The following MROH7 variants were observed in gnomAD, a reference collection of about 807,000 sequenced individuals.
The protein encoded by MROH7 is maestro heat-like repeat-containing protein family member 7.
A neutral mutation model predicts 129.2 loss-of-function variants in MROH7; 113 were observed. The observed-to-expected ratio is 0.87, with a 90% CI of 0.75 to 1.02. The LOEUF is 1.02. MROH7 is among the 50% of genes least tolerant of loss of function. The pLI is 0.00. For missense variants in MROH7, 1,601 were observed against 1,671.3 expected (o/e 0.96, Z 0.73); for synonymous variants, 655 against 667.9 (o/e 0.98, Z 0.30).
At chr1:54,654,536 G>C (rs941297373) in intron 3 of MROH7, among the ~76,000 whole-genome samples, 2 of 152,128 alleles carry the variant, frequency 1.3e-5, no homozygotes, top group African/African-American at 4.8e-5. Context: ...AGCCAGGCGT[G>C]GTGGCGCATG....
chr1:54,682,202 C>T (rs1212073261), intron 13 of MROH7, among the ~76,000 whole-genome samples: 1 of 146,164 alleles, frequency 6.8e-6, no homozygotes, highest in African/African-American at 2.5e-5. Context: ...GCTCTTTTCT[C>T]CCAGGCTGGA....
chr1:54,667,135 G>A (rs1389683272), intron 4 of MROH7, among the ~76,000 whole-genome samples: 1 of 152,176 alleles, frequency 6.6e-6, no homozygotes, highest in Non-Finnish European at 1.5e-5. Flanking sequence ...CTAGTTTGGG[G>A]AGACACACAG....
At chr1:54,700,229 C>G (rs753873938) in intron 17 of MROH7, 92 bp from the exon 18 acceptor site, 22 of 1,543,010 alleles carry the variant, frequency 1.4e-5, no homozygotes, top group Non-Finnish European at 2.0e-5. Flanking sequence ...AGAGCTGAGC[C>G]TGGTATCCAA....
intron 5 of MROH7, 29 bp from the exon 6 acceptor site, chr1:54,670,468 C>T (rs150916403): frequency 1.9e-6 from 3 of 1,606,234 alleles, no homozygotes; most frequent in Non-Finnish European, 2.6e-6. Flanking sequence ...GCCCTGTCCT[C>T]ATCGGCCCTT....
chr1:54,709,176 A>G, intron 23 of MROH7, 100 bp downstream of exon 23: 1 of 1,140,306 alleles, frequency 8.8e-7, no homozygotes, highest in Non-Finnish European at 1.3e-6. Flanking sequence ...GTCCCAAGAC[A>G]AGGGTCTTCA....
At chr1:54,700,280 C>T (rs1186011848) in intron 17 of MROH7, 41 bp from the exon 18 acceptor site, 2 of 1,612,722 alleles carry the variant, frequency 1.2e-6, no homozygotes, top group African/African-American at 2.7e-5. Context: ...GGCTGCCCTG[C>T]CCCCCTCAGC....
chr1:54,670,783 T>C lies in MROH7; in HGVS notation c.1470-17T>C. ...CCCTCTCTCACTCCATTTCTTTGCT[T>C]TCTGCCTCTTCTCCAGCCACACCCA... On this transcript the variant is annotated splice_polypyrimidine_tract_variant and intron_variant, in intron 6 of 23. Transcript: ENST00000421030. 6.2e-7 allele frequency: 1 copy of C among 1,612,782 alleles called. No individual in the cohort carries two copies. The highest frequency in any genetic ancestry group is 8.5e-7 in the Non-Finnish European group (1 of 1,179,472).
At chr1:54,687,872 CT>C (rs35990412) in intron 15 of MROH7, among the ~76,000 whole-genome samples, 4,775 of 130,050 alleles carry the variant, frequency 0.037, 203 homozygotes, top group African/African-American at 0.12. Flanking sequence ...TTTTTTCTTT[CT>C]TTTTTTTTTT....
intron 1 of MROH7, among the ~76,000 whole-genome samples, chr1:54,648,275 C>T (rs1644499887): frequency 6.6e-6 from 1 of 152,066 alleles, no homozygotes. Context: ...TCTGGACTTG[C>T]AATTCTATCC....
In MROH7 at chr1:54,679,300, A is replaced by G. The variant is rs994787042; in HGVS notation, c.2087A>G (p.Asp696Gly). 3 of 1,614,166 alleles carry G rather than the reference A, an allele frequency of 1.9e-6. No homozygotes were observed. Among genetic ancestry groups the G allele is most frequent in the Non-Finnish European group, 2.5e-6 (3 of 1,180,030 alleles). The change falls in exon 12 of 24, where the codon GAC becomes GGC. Residue 696 changes from aspartate (D) to glycine (G), a missense_variant. Asp to Gly is a moderately conservative substitution (Grantham distance 94). Coordinates refer to ENST00000421030, the MANE Select transcript of MROH7 (RefSeq NM_001039464.4). ...GDFLGPQQIK[D>G]LLLAALEGLK... ...TTCCTGGGGCCCCAGCAGATAAAGGACCTGCTGCTGGCCGCCCTGGAAGGG... is the reference window on the plus strand; with the variant it reads ...TTCCTGGGGCCCCAGCAGATAAAGGGCCTGCTGCTGGCCGCCCTGGAAGGG...
rs745707551 is a variant in MROH7 at position 54,653,004 on chromosome 1, C to T, written c.78C>T (p.Ala26=). 2.5e-5 allele frequency: 40 copies of T among 1,613,950 alleles called. No individual in the cohort carries two copies. Among genetic ancestry groups the T allele is most frequent in the Non-Finnish European group, 3.3e-5 (39 of 1,179,994 alleles). Residue 26 remains alanine, a synonymous_variant, in exon 3 of 24, where the codon GCC becomes GCT. Transcript: ENST00000421030. ...CACCAAGTCCCCCCTCCTGTGGGGC[C>T]CCGGGATTAGGGTCTGGTACCATCC... ...KMTPSPPSCG[A]PGLGSGTIPQ...
chr1:54,669,896 C>A (rs1240258184), intron 5 of MROH7, among the ~76,000 whole-genome samples: 1 of 151,130 alleles, frequency 6.6e-6, no homozygotes, highest in African/African-American at 2.4e-5. Context: ...CCCAGCTACT[C>A]AGAAGGCTGA....
At chr1:54,704,109 T>C (rs529288791) in intron 21 of MROH7, among the ~76,000 whole-genome samples, 4 of 152,226 alleles carry the variant, frequency 2.6e-5, no homozygotes, top group Non-Finnish European at 5.9e-5. Flanking sequence ...CCACAAATTG[T>C]TACTGGACTG....
At chr1:54,662,649 C>T (rs747531902) in intron 3 of MROH7, among the ~76,000 whole-genome samples, 9 of 151,948 alleles carry the variant, frequency 5.9e-5, no homozygotes, top group South Asian at 2.1e-4. Flanking sequence ...GTACTTCTTA[C>T]AAAAAAGGAT....
At chr1:54,644,316 CTCTT>C (rs992465528) in intron 1 of MROH7, among the ~76,000 whole-genome samples, 3 of 148,090 alleles carry the variant, frequency 2.0e-5, no homozygotes, top group Admixed American at 2.0e-4. Flanking sequence ...TGCTCTCCCT[CTCTT>C]TCTTTCTCTT....
At chr1:54,692,346 G>A (rs1645253019) in intron 15 of MROH7, 78 bp from the exon 16 acceptor site, 1 of 1,569,008 alleles carries the variant, frequency 6.4e-7, no homozygotes, top group African/African-American at 1.3e-5. Flanking sequence ...CCAGATGGCA[G>A]GAGAGGCCGG....
chr1:54,668,743 T>C (rs2101101936), intron 4 of MROH7, 111 bp from the exon 5 acceptor site: 1 of 730,816 alleles, frequency 1.4e-6, no homozygotes, highest in South Asian at 1.7e-5. Flanking sequence ...CTTGCACCAA[T>C]GCTGGCTTGC....
At chr1:54,678,131 GAAAA>G (rs1645011080) in intron 10 of MROH7, among the ~76,000 whole-genome samples, 2 of 152,168 alleles carry the variant, frequency 1.3e-5, no homozygotes, top group Non-Finnish European at 2.9e-5. Flanking sequence ...TCCCATCATA[GAAAA>G]CTGTTTGGCA....
chr1:54,690,485 C>A (rs2101165188), intron 15 of MROH7, among the ~76,000 whole-genome samples: 1 of 151,460 alleles, frequency 6.6e-6, no homozygotes, highest in African/African-American at 2.4e-5. Flanking sequence ...TCACTGTCGC[C>A]CAGGCTAGAG....
Sources: gnomAD v4.1 joint callset for allele counts (sites outside exome capture counted in the v4.1 genomes callset) on GRCh38, gnomAD v4.1.1 for gene constraint, MANE v1.5 for transcripts, NCBI Gene and HGNC (gene_info 2026-07-23, HGNC 2026-07-21) for gene names.